The following ZNF766 variants were observed in gnomAD, a reference collection of about 807,000 sequenced individuals.
ZNF766 encodes the protein zinc finger protein 766.
Under a neutral mutation model 13.2 loss-of-function variants are expected in ZNF766, and 13 were observed. The ratio of observed to expected loss-of-function variants is 0.98; its 90% CI spans 0.64 to 1.56. The LOEUF is 1.56. Among genes scored for constraint, ZNF766 ranks in the 40% most tolerant of loss-of-function variants. The pLI is 0.00. For missense variants in ZNF766, 521 were observed against 552.2 expected (o/e 0.94, Z 0.57); for synonymous variants, 178 against 187.6 (o/e 0.95, Z 0.42).
chr19:52,281,538 C>A, intron 1 of ZNF766: 1 of 309,924 alleles, frequency 3.2e-6, no homozygotes, highest in South Asian at 2.4e-5. Context: ...ATGTGTTCTA[C>A]ACTATCACGT....
chr19:52,278,137 A>C (rs186693600), intron 1 of ZNF766, among the ~76,000 whole-genome samples: 82 of 151,660 alleles, frequency 5.4e-4, no homozygotes, highest in African/African-American at 1.9e-3. Context: ...CACGCCCGGC[A>C]ATTTTTTGAA....
At chr19:52,288,714 G>T (rs1981957033) in intron 3 of ZNF766, among the ~76,000 whole-genome samples, 1 of 142,020 alleles carries the variant, frequency 7.0e-6, no homozygotes, top group African/African-American at 2.5e-5. Context: ...TTTCATGTAT[G>T]CATACATCAT....
chr19:52,277,442 G>A (rs1233938379), intron 1 of ZNF766: 1 of 1,522,522 alleles, frequency 6.6e-7, no homozygotes, highest in African/African-American at 1.4e-5. Flanking sequence ...CTGGGTGACA[G>A]AGTGAGACTC....
chr19:52,275,683 T>G (rs1981160777), intron 1 of ZNF766: 1 of 150,824 alleles, frequency 6.6e-6, no homozygotes, highest in African/African-American at 2.4e-5. Flanking sequence ...TTTCTTTTTT[T>G]TTTTTTTTTT....
intron 1 of ZNF766, among the ~76,000 whole-genome samples, chr19:52,272,139 A>G (rs1280786518): frequency 6.6e-6 from 1 of 152,140 alleles, no homozygotes; most frequent in African/African-American, 2.4e-5. Flanking sequence ...AATCTTGTTT[A>G]TATTTCTGTC....
In ZNF766 at chr19:52,269,692, C is replaced by T. The variant is rs375161832; in HGVS notation, c.18+61C>T. 28 of 1,602,812 alleles carry T rather than the reference C, an allele frequency of 1.7e-5. No individual in the cohort carries two copies. In the East Asian group the frequency reaches 3.1e-4, roughly 18 times the overall value. On this transcript the variant is annotated intron_variant, in intron 1 of 3. Coordinates refer to ENST00000439461, the MANE Select transcript of ZNF766 (RefSeq NM_001010851.3). ...AGCGGTGCCCTCACGCTTCTGTACC[C>T]GGGATGTGGGGGGCGGTACAGACCT... is the stretch of plus-strand genomic sequence containing the variant.
intron 3 of ZNF766, among the ~76,000 whole-genome samples, chr19:52,285,681 A>G: frequency 6.6e-6 from 1 of 152,192 alleles, no homozygotes; most frequent in East Asian, 1.9e-4. Context: ...TTGGGTTTTC[A>G]TGGAAGCTTT....
chr19:52,277,994 CAAG>C (rs906978837), intron 1 of ZNF766, among the ~76,000 whole-genome samples: 9 of 131,890 alleles, frequency 6.8e-5, no homozygotes, highest in Admixed American at 4.8e-4. Context: ...TTTTTGGAGA[CAAG>C]AGTCTTGCTC....
chr19:52,277,387 A>G, intron 1 of ZNF766: 1 of 1,226,470 alleles, frequency 8.2e-7, no homozygotes, highest in Non-Finnish European at 1.1e-6. Flanking sequence ...TGAACCCGGG[A>G]GGCGGAGCTT....
rs544064775 is a variant in ZNF766, at chr19:52,270,536, A to C, written c.18+905A>C. ...AGGAGGAGGGATTTGGAGCCAGGGC[A>C]GACCGAGCAGCGTGGTGCTGGCACA... On this transcript the variant is annotated intron_variant, in intron 1 of 3. Coordinates refer to ENST00000439461, the MANE Select transcript of ZNF766 (RefSeq NM_001010851.3). Among the ~76,000 whole-genome samples the C allele has an allele frequency of 3.3e-5, 5 of 152,150 alleles. No individual in the cohort carries two copies. In the South Asian group the frequency reaches 1.0e-3, roughly 32 times the overall value.
At chr19:52,274,188 G>A (rs981042816) in intron 1 of ZNF766, among the ~76,000 whole-genome samples, 4 of 151,288 alleles carry the variant, frequency 2.6e-5, no homozygotes, top group African/African-American at 7.3e-5. Flanking sequence ...GTCATCCCTC[G>A]GTATCACGTA....
At chr19:52,282,014 A>G (rs1464917487) in intron 1 of ZNF766, 97 bp from the exon 2 acceptor site, 1 of 1,438,122 alleles carries the variant, frequency 7.0e-7, no homozygotes, top group Non-Finnish European at 9.5e-7. Context: ...TCACGTCAGC[A>G]CTTCAGTTGA....
Position 52,282,138 on chromosome 19 carries a change from A to G in ZNF766, c.46A>G (p.Ile16Val), listed in dbSNP as rs755789117. The change falls in exon 2 of 4, where the codon ATA (isoleucine) becomes GTA (valine). Residue 16 changes from isoleucine to valine, a missense_variant. Ile to Val is a conservative substitution (Grantham distance 29). Coordinates refer to ENST00000439461, the MANE Select transcript of ZNF766 (RefSeq NM_001010851.3). ...RGHLTFRDVA[I>V]EFSQEEWKCL... ...ACACTTGACATTCAGGGACGTGGCCATAGAATTCTCTCAGGAGGAGTGGAA... is the reference window on the plus strand; with the variant it reads ...ACACTTGACATTCAGGGACGTGGCCGTAGAATTCTCTCAGGAGGAGTGGAA... The G allele has an allele frequency of 6.2e-6, 10 of 1,604,690 alleles. No homozygotes were observed. Among genetic ancestry groups the G allele is most frequent in the Middle Eastern group, 1.7e-4 (1 of 6,006 alleles).
At position 52,282,249 on chromosome 19, in the gene ZNF766, G is replaced by A. The variant is rs1193426815; in HGVS notation, c.145+12G>A. 5 of 1,588,888 alleles carry A rather than the reference G, an allele frequency of 3.1e-6. No homozygotes were observed. The highest frequency in any genetic ancestry group is 4.3e-6 in the Non-Finnish European group (5 of 1,166,298). ...CCTGGTCTCCCTGGGTAAGGATAAT[G>A]CCCCTCCAGAAGTTGGGGTCTGCCC... On this transcript the variant is annotated intron_variant, in intron 2 of 3. Transcript: ENST00000439461.
chr19:52,277,342 C>T, intron 1 of ZNF766: 1 of 966,820 alleles, frequency 1.0e-6, no homozygotes, highest in African/African-American at 1.7e-5. Context: ...ACCTGTAGTC[C>T]CAGCTACTCA....
At position 52,295,077 on chromosome 19, in the gene ZNF766, C is replaced by A. The variant is rs867210669; in HGVS notation, c.*3879C>A. 16 of 151,502 alleles carry A rather than the reference C, an allele frequency of 1.1e-4. No homozygotes were observed. Among genetic ancestry groups the A allele is most frequent in the Admixed American group, 3.9e-4 (6 of 15,202 alleles). The allele number at this position is 151,502 out of a possible 1,614,324, so 9.4% of individuals were successfully genotyped here. On this transcript the variant is annotated 3_prime_UTR_variant, in exon 4 of 4. Transcript: ENST00000439461. ...TATATTCCATGGTTCATTTTCAACT[C>A]TAATAAAATTATATTTTGTGTTTAT... is the stretch of plus-strand genomic sequence containing the variant.
At chr19:52,269,683 T>C (rs1345722686) in intron 1 of ZNF766, 52 bp downstream of exon 1, 1 of 1,609,148 alleles carries the variant, frequency 6.2e-7, no homozygotes, top group Non-Finnish European at 8.5e-7. Flanking sequence ...GCCCTCACGC[T>C]TCTGTACCCG....
chr19:52,286,307 T>G lies in ZNF766; in HGVS notation c.274+2894T>G, dbSNP rs866789768. Among the ~76,000 whole-genome samples the G allele has an allele frequency of 1.5e-4, 23 of 151,270 alleles. 1 individual carries two copies. Among genetic ancestry groups the G allele is most frequent in the African/African-American group, 4.9e-4 (20 of 40,926 alleles). On this transcript the variant is annotated intron_variant, in intron 3 of 3. Coordinates refer to ENST00000439461, the MANE Select transcript of ZNF766 (RefSeq NM_001010851.3). ...TAAGTTCCTCGTATTCCTAGTGTGT[T>G]GAGTGTTTTTCTTTCTTTTTTTTTT...
intron 1 of ZNF766, chr19:52,277,148 A>T (rs767795788): frequency 5.0e-5 from 54 of 1,077,698 alleles, no homozygotes; most frequent in Non-Finnish European, 6.0e-5. Context: ...TATTTTTGAC[A>T]TTCAGGATTG....
Sources: allele counts gnomAD v4.1 joint callset (sites outside exome capture counted in the v4.1 genomes callset), GRCh38; gene constraint gnomAD v4.1.1; transcripts MANE v1.5; gene names NCBI Gene and HGNC (gene_info 2026-07-23, HGNC 2026-07-21).